Variants in ELMO1 observed in about 807,000 individuals in gnomAD.
The protein encoded by ELMO1 is engulfment and cell motility protein 1.
A neutral mutation model predicts 98.9 loss-of-function variants in ELMO1; 26 were observed. The ratio of observed to expected loss-of-function variants is 0.26; its 90% CI spans 0.19 to 0.36. ELMO1 has a LOEUF of 0.36. Ranked by LOEUF, ELMO1 falls within the 10% of genes least tolerant of loss-of-function variation. ELMO1 has a pLI of 1.00. For synonymous variants in ELMO1, 346 were observed against 346.0 expected (o/e 1.00, Z 0.00); for missense variants, 627 against 935.2 (o/e 0.67, Z 4.30).
chr7:37,091,983 A>T (rs146761999), intron 15 of ELMO1, among the ~76,000 whole-genome samples: 9 of 152,232 alleles, frequency 5.9e-5, no homozygotes, highest in Non-Finnish European at 1.0e-4. Flanking sequence ...TATGGGAGCT[A>T]CAATTCAAGA....
At chr7:37,334,745 A>G (rs373011735) in intron 2 of ELMO1, among the ~76,000 whole-genome samples, 1 of 152,228 alleles carries the variant, frequency 6.6e-6, no homozygotes, top group Non-Finnish European at 1.5e-5. Context: ...TGAGCTTTTC[A>G]AAGGTCTTGT....
rs190075030 is a variant in ELMO1, at chr7:37,142,090, T to C, written c.1087-8856A>G. Among the ~76,000 whole-genome samples, 333 of 152,332 alleles carry C rather than the reference T, an allele frequency of 2.2e-3. 1 individual carries two copies. The highest frequency in any genetic ancestry group is 7.1e-3 in the African/African-American group (294 of 41,568). ...AATACTAGAGAACTGCTACTAATGA[T>C]AAGAAGGATACATCTCAAAATAAAT... On this transcript the variant is annotated intron_variant, in intron 13 of 21. Coordinates refer to ENST00000310758, the MANE Select transcript of ELMO1 (RefSeq NM_014800.11).
intron 17 of ELMO1, among the ~76,000 whole-genome samples, chr7:36,892,151 G>A (rs1350641361): frequency 6.6e-6 from 1 of 152,082 alleles, no homozygotes; most frequent in Non-Finnish European, 1.5e-5. Context: ...ATAACAACAG[G>A]GTGTATTGCT....
chr7:37,430,631 C>T (rs1322308460), intron 1 of ELMO1, among the ~76,000 whole-genome samples: 1 of 152,234 alleles, frequency 6.6e-6, no homozygotes, highest in Admixed American at 6.5e-5. Context: ...TCTCCTAATT[C>T]CATCCCTTTC....
intron 15 of ELMO1, among the ~76,000 whole-genome samples, chr7:37,096,397 C>T (rs1362173328): frequency 6.6e-6 from 1 of 152,138 alleles, no homozygotes; most frequent in Non-Finnish European, 1.5e-5. Context: ...CAATGATCTG[C>T]AAATTTCTCC....
chr7:37,153,664 G>A (rs1480579641), intron 13 of ELMO1, among the ~76,000 whole-genome samples: 3 of 152,200 alleles, frequency 2.0e-5, no homozygotes, highest in African/African-American at 7.2e-5. Context: ...CTCAAACTGG[G>A]CAGAGCCCAC....
At chr7:36,995,155 T>C (rs141280740) in intron 16 of ELMO1, among the ~76,000 whole-genome samples, 1 of 152,214 alleles carries the variant, frequency 6.6e-6, no homozygotes, top group Non-Finnish European at 1.5e-5. Context: ...AATCACACTA[T>C]GCAGAAGAAA....
intron 5 of ELMO1, 71 bp from the exon 6 acceptor site, chr7:37,259,421 A>G: frequency 6.5e-7 from 1 of 1,537,582 alleles, no homozygotes; most frequent in Non-Finnish European, 8.9e-7. Context: ...TTTATGTTTC[A>G]ATGAGGAACA....
chr7:36,937,912 T>C (rs971074786), intron 16 of ELMO1, among the ~76,000 whole-genome samples: 1 of 152,222 alleles, frequency 6.6e-6, no homozygotes, highest in South Asian at 2.1e-4. Context: ...AGGCCACTCA[T>C]GGAACTGCCA....
intron 1 of ELMO1, among the ~76,000 whole-genome samples, chr7:37,441,900 T>C (rs1805430024): frequency 6.6e-6 from 1 of 152,226 alleles, no homozygotes; most frequent in Admixed American, 6.5e-5. Flanking sequence ...AGCCCTCTCA[T>C]TTATTAATAC....
chr7:37,366,938 G>C (rs1363158815), intron 1 of ELMO1, among the ~76,000 whole-genome samples: 1 of 152,052 alleles, frequency 6.6e-6, no homozygotes, highest in Non-Finnish European at 1.5e-5. Context: ...AGTAAACAAA[G>C]ATATTATGTG....
At chr7:37,369,672 TAA>T (rs74272020) in intron 1 of ELMO1, among the ~76,000 whole-genome samples, 14 of 124,180 alleles carry the variant, frequency 1.1e-4, no homozygotes, top group Admixed American at 3.3e-4. Context: ...GCCCAAAATG[TAA>T]AAAAAAAAAA....
At chr7:37,224,037 C>CA (rs1485501636) in intron 9 of ELMO1, among the ~76,000 whole-genome samples, 1 of 152,140 alleles carries the variant, frequency 6.6e-6, no homozygotes, top group African/African-American at 2.4e-5. Context: ...GAGAAAAGGC[C>CA]ATCTGCTGAG....
At chr7:37,328,658 T>C (rs1799946971) in intron 2 of ELMO1, among the ~76,000 whole-genome samples, 1 of 152,124 alleles carries the variant, frequency 6.6e-6, no homozygotes, top group African/African-American at 2.4e-5. Flanking sequence ...TGTTTTAGCA[T>C]CACCATATGA....
intron 13 of ELMO1, among the ~76,000 whole-genome samples, chr7:37,148,934 A>T (rs982798110): frequency 8.5e-5 from 13 of 152,308 alleles, no homozygotes; most frequent in African/African-American, 3.1e-4. Flanking sequence ...AGCACAGGCT[A>T]TGATGTCCAA....
chr7:37,093,090 G>A (rs1784205813), intron 15 of ELMO1, among the ~76,000 whole-genome samples: 1 of 151,824 alleles, frequency 6.6e-6, no homozygotes, highest in South Asian at 2.1e-4. Flanking sequence ...CTCTGAGAAT[G>A]TAAATAGACA....
intron 7 of ELMO1, among the ~76,000 whole-genome samples, chr7:37,236,060 A>G (rs1207596720): frequency 4.6e-5 from 7 of 152,246 alleles, no homozygotes; most frequent in African/African-American, 1.4e-4. Context: ...AAGATAAAGT[A>G]TATTTATGTT....
At chr7:37,065,797 C>T (rs1295021576) in intron 15 of ELMO1, among the ~76,000 whole-genome samples, 1 of 152,128 alleles carries the variant, frequency 6.6e-6, no homozygotes, top group African/African-American at 2.4e-5. Context: ...CACTGCCTGC[C>T]CTAACAACAT....
At position 36,922,746 on chromosome 7, in the gene ELMO1, C is replaced by T. The variant is rs551857407; in HGVS notation, c.1438-27729G>A. ...TAAGTGTTCCCATGTGGATGCTACA[C>T]TCAGCTGCCAGCATCGATCAAGGCC... On this transcript the variant is annotated intron_variant, in intron 16 of 21. Transcript: ENST00000310758. Among the ~76,000 whole-genome samples the T allele has an allele frequency of 2.3e-4, 35 of 152,316 alleles. No individual in the cohort carries two copies. In the Middle Eastern group the frequency reaches 0.014, roughly 59 times the overall value.
Sources: allele counts gnomAD v4.1 joint callset (sites outside exome capture counted in the v4.1 genomes callset), GRCh38; gene constraint gnomAD v4.1.1; transcripts MANE v1.5; gene names NCBI Gene and HGNC (gene_info 2026-07-23, HGNC 2026-07-21).